Variants in FNBP1L observed in about 807,000 individuals in gnomAD.
The protein encoded by FNBP1L is formin-binding protein 1-like.
FNBP1L carries 36 observed loss-of-function variants against 91.2 expected under a neutral mutation model. That is an observed-to-expected ratio of 0.39 (90% CI 0.30 to 0.52). FNBP1L has a LOEUF of 0.52. FNBP1L is among the 20% of genes least tolerant of loss of function. The pLI is 0.66. For synonymous variants in FNBP1L, 242 were observed against 237.0 expected (o/e 1.02, Z -0.19); for missense variants, 571 against 732.1 (o/e 0.78, Z 2.54).
intron 16 of FNBP1L, chr1:93,551,999 T>G (rs1238656060): frequency 1.0e-6 from 1 of 996,728 alleles, no homozygotes; most frequent in East Asian, 1.0e-4. Flanking sequence ...GGGGAAGTGT[T>G]GACAAATTTT....
intron 1 of FNBP1L, among the ~76,000 whole-genome samples, chr1:93,492,683 A>G (rs1332229593): frequency 2.6e-5 from 4 of 152,162 alleles, no homozygotes; most frequent in African/African-American, 9.6e-5. Context: ...CCCCGTCTTT[A>G]CAAAATATTT....
At chr1:93,543,211 C>T (rs994475678) in intron 11 of FNBP1L, among the ~76,000 whole-genome samples, 1 of 152,036 alleles carries the variant, frequency 6.6e-6, no homozygotes, top group Non-Finnish European at 1.5e-5. Flanking sequence ...TCAATAGCGG[C>T]TAATATTGGT....
chr1:93,466,480 T>A (rs1483707074), intron 1 of FNBP1L, among the ~76,000 whole-genome samples: 2 of 152,198 alleles, frequency 1.3e-5, no homozygotes, highest in Non-Finnish European at 2.9e-5. Flanking sequence ...ATTTCTTGTT[T>A]TTGTCAGGTT....
chr1:93,519,171 G>A (rs1012220633), intron 2 of FNBP1L, among the ~76,000 whole-genome samples: 4 of 152,154 alleles, frequency 2.6e-5, no homozygotes, highest in African/African-American at 4.8e-5. Context: ...AATAACCACT[G>A]GTCAAGAGTA....
chr1:93,525,027 T>C (rs941120549), intron 5 of FNBP1L, among the ~76,000 whole-genome samples: 1 of 151,660 alleles, frequency 6.6e-6, no homozygotes, highest in Admixed American at 6.6e-5. Context: ...GCAGTTGCCT[T>C]TACATAAAAT....
In FNBP1L at chr1:93,448,194, C is replaced by A. The variant is rs1668333134; in HGVS notation, c.-88C>A. ...AGGTAGACCCGCTGAGCTGCTAGCC[C>A]GCCGGCCAGCGAGTGAGAGGTCGGA... is the stretch of plus-strand genomic sequence containing the variant. On this transcript the variant is annotated 5_prime_UTR_variant, in exon 1 of 17. Transcript: ENST00000271234. The A allele has an allele frequency of 6.7e-7, 1 of 1,486,368 alleles. No individual in the cohort carries two copies. The highest frequency in any genetic ancestry group is 1.2e-5 in the South Asian group (1 of 80,250). 92.1% of individuals were successfully genotyped at this position (1,486,368 alleles called of 1,614,324 possible). A position where few individuals can be genotyped will look rare whatever the true frequency, so the allele number is the denominator to read the frequency against.
rs1672446710 is a variant in FNBP1L at position 93,552,552 on chromosome 1, T to G, written c.*136T>G. On this transcript the variant is annotated 3_prime_UTR_variant, in exon 17 of 17. Coordinates refer to ENST00000271234, the MANE Select transcript of FNBP1L (RefSeq NM_001164473.3). ...ATGAGTGCATGCAGACATGATTTTT[T>G]TTTTACTAACTTCATTAGCATTTCC... 1.2e-6 allele frequency: 1 copy of G among 808,370 alleles called. No individual in the cohort carries two copies. The highest frequency in any genetic ancestry group is 3.3e-5 in the South Asian group (1 of 30,572). 50.1% of individuals were successfully genotyped at this position (808,370 alleles called of 1,614,324 possible). A position where few individuals can be genotyped will look rare whatever the true frequency, so the allele number is the denominator to read the frequency against.
chr1:93,457,564 A>G (rs1050495362), intron 1 of FNBP1L, among the ~76,000 whole-genome samples: 2 of 152,120 alleles, frequency 1.3e-5, no homozygotes, highest in Non-Finnish European at 2.9e-5. Flanking sequence ...AAACATCCTC[A>G]GGGCAAGAGT....
chr1:93,549,402 T>G lies in FNBP1L; in HGVS notation c.1627T>G (p.Cys543Gly). 6.2e-7 allele frequency: 1 copy of G among 1,601,426 alleles called. No individual in the cohort carries two copies. Among genetic ancestry groups the G allele is most frequent in the Non-Finnish European group, 8.5e-7 (1 of 1,176,268 alleles). Residue 543 changes from cysteine (C) to glycine (G), a missense_variant, in exon 15 of 17, where the codon TGC (cysteine) becomes GGC (glycine). Around this residue, in one of 5 missense-constraint regions of FNBP1L, gnomAD observed 189 missense variants for 219.7 expected, o/e 0.86. Transcript: ENST00000271234. ...DDDPLPAIGH[C>G]KAIYPFDGHN... ...TGATCCCTTGCCTGCTATTGGACACTGCAAAGCTATCTACCCTTTTGATGG... is the reference window on the plus strand; with the variant it reads ...TGATCCCTTGCCTGCTATTGGACACGGCAAAGCTATCTACCCTTTTGATGG...
intron 2 of FNBP1L, among the ~76,000 whole-genome samples, 153 bp from the exon 3 acceptor site, chr1:93,521,929 A>G (rs1267784431): frequency 6.6e-6 from 1 of 152,208 alleles, no homozygotes; most frequent in African/African-American, 2.4e-5. Flanking sequence ...TAATGATTAC[A>G]TATTATGATG....
intron 2 of FNBP1L, among the ~76,000 whole-genome samples, chr1:93,518,864 T>TTCC (rs1200665837): frequency 6.6e-6 from 1 of 152,178 alleles, no homozygotes; most frequent in Non-Finnish European, 1.5e-5. Flanking sequence ...TAGCAGTCAT[T>TTCC]TCCTCCTCCT....
chr1:93,493,698 C>T (rs927241466), intron 1 of FNBP1L, among the ~76,000 whole-genome samples: 1 of 152,130 alleles, frequency 6.6e-6, no homozygotes, highest in Admixed American at 6.5e-5. Flanking sequence ...GCCAGAATTT[C>T]CTTCCTTTTT....
intron 2 of FNBP1L, among the ~76,000 whole-genome samples, chr1:93,512,294 G>C (rs1272994650): frequency 6.6e-6 from 1 of 151,880 alleles, no homozygotes; most frequent in Admixed American, 6.6e-5. Context: ...GACCTACAAA[G>C]AGACTTAGAC....
intron 10 of FNBP1L, among the ~76,000 whole-genome samples, chr1:93,539,485 T>C (rs1671954651): frequency 6.6e-6 from 1 of 152,034 alleles, no homozygotes; most frequent in South Asian, 2.1e-4. Flanking sequence ...TTCCAATTGA[T>C]AATTTAGTAA....
intron 2 of FNBP1L, among the ~76,000 whole-genome samples, chr1:93,503,316 GA>G (rs900347966): frequency 6.6e-6 from 1 of 152,066 alleles, no homozygotes; most frequent in African/African-American, 2.4e-5. Context: ...CAAGATGGGG[GA>G]AACCGCCCCC....
At chr1:93,453,400 T>G (rs539821336) in intron 1 of FNBP1L, among the ~76,000 whole-genome samples, 78 of 152,324 alleles carry the variant, frequency 5.1e-4, no homozygotes, top group Non-Finnish European at 7.6e-4. Context: ...TTGCTTGCTT[T>G]CTTTGCCTTT....
intron 12 of FNBP1L, among the ~76,000 whole-genome samples, chr1:93,545,214 G>T (rs1174008826): frequency 2.0e-5 from 3 of 152,014 alleles, no homozygotes; most frequent in Non-Finnish European, 4.4e-5. Context: ...ATGCTTAGGG[G>T]CTATTTTAAA....
intron 1 of FNBP1L, among the ~76,000 whole-genome samples, chr1:93,484,585 G>A (rs1669830747): frequency 6.6e-6 from 1 of 152,202 alleles, no homozygotes; most frequent in Admixed American, 6.5e-5. Flanking sequence ...AGCACAGGGG[G>A]ACCAAACTGT....
chr1:93,508,830 G>A (rs1670719147), intron 2 of FNBP1L, among the ~76,000 whole-genome samples: 1 of 152,184 alleles, frequency 6.6e-6, no homozygotes, highest in Non-Finnish European at 1.5e-5. Context: ...TGGCTTATTT[G>A]AGGGAAAAAT....
Sources: gnomAD v4.1 joint callset for allele counts (sites outside exome capture counted in the v4.1 genomes callset) on GRCh38, gnomAD v4.1.1 for gene constraint, gnomAD v4.1.1 regional missense constraint, MANE v1.5 for transcripts, NCBI Gene and HGNC (gene_info 2026-07-23, HGNC 2026-07-21) for gene names.